HDX: variants seen among roughly 807,000 people sequenced by gnomAD.
HDX encodes the protein highly divergent homeobox.
In HDX, 19 loss-of-function variants were observed where a neutral mutation model predicts 45.2. That is an observed-to-expected ratio of 0.42 (90% CI 0.29 to 0.62). HDX has a LOEUF of 0.62. Ranked by LOEUF, HDX falls within the 20% of genes least tolerant of loss-of-function variation. The pLI, the probability that HDX is intolerant of heterozygous loss-of-function variation, is 0.20. For synonymous variants in HDX, 188 were observed against 172.8 expected (o/e 1.09, Z -0.69); for missense variants, 532 against 493.9 (o/e 1.08, Z -0.73).
intron 2 of HDX, among the ~76,000 whole-genome samples, chrX:84,484,213 G>T (rs2040744691): frequency 9.0e-6 from 1 of 111,684 alleles, no homozygotes; most frequent in African/African-American, 3.3e-5. Flanking sequence ...TTATAGCAGT[G>T]CCCCATTCCC....
chrX:84,336,876 C>T lies in HDX; in HGVS notation c.1665G>A (p.Glu555=). 2 of 1,163,464 alleles carry T rather than the reference C, an allele frequency of 1.7e-6. No individual in the cohort carries two copies. Among genetic ancestry groups the T allele is most frequent in the Non-Finnish European group, 2.3e-6 (2 of 860,706 alleles). Residue 555 remains glutamate, a synonymous_variant, in exon 8 of 11, where the codon GAG becomes GAA. Coordinates refer to ENST00000373177, the MANE Select transcript of HDX (RefSeq NM_001177479.2). ...ICLSEGSSQE[E]PNEVVPNDAR... ...CATCATTCGGAACAACTTCATTGGG[C>T]TCTTCTACAGAAAAAAATGCCATAA... is the stretch of plus-strand genomic sequence containing the variant.
chrX:84,435,307 G>A (rs2039596965), intron 5 of HDX, among the ~76,000 whole-genome samples: 1 of 111,160 alleles, frequency 9.0e-6, no homozygotes, highest in African/African-American at 3.3e-5. Context: ...TTCTCTGATG[G>A]CCAGTGATCA....
intron 5 of HDX, among the ~76,000 whole-genome samples, chrX:84,435,099 C>A (rs2039592353): frequency 9.0e-6 from 1 of 110,754 alleles, no homozygotes; most frequent in Non-Finnish European, 1.9e-5. Context: ...TTTTGCTTAT[C>A]TTTTCAGAAA....
intron 5 of HDX, among the ~76,000 whole-genome samples, chrX:84,368,647 C>T: frequency 9.0e-6 from 1 of 111,552 alleles, no homozygotes; most frequent in South Asian, 3.7e-4. Flanking sequence ...CATTATAAAC[C>T]CTTTTCAATC....
chrX:84,437,698 G>A (rs983723290), intron 5 of HDX, among the ~76,000 whole-genome samples: 4 of 110,648 alleles, frequency 3.6e-5, no homozygotes, highest in African/African-American at 6.6e-5. Flanking sequence ...AGTGTCCTTC[G>A]GTGGAAAATG....
At chrX:84,361,131 T>C (rs2147848645) in intron 6 of HDX, among the ~76,000 whole-genome samples, 1 of 112,073 alleles carries the variant, frequency 8.9e-6, no homozygotes, top group Non-Finnish European at 1.9e-5. Flanking sequence ...CAACTTGTGG[T>C]TTTTATTTTC....
Position 84,321,926 on chromosome X carries a change from G to C in HDX, c.2036C>G (p.Ser679Cys). The C allele has an allele frequency of 8.4e-7, 1 of 1,188,057 alleles. No individual in the cohort carries two copies. Among genetic ancestry groups the C allele is most frequent in the African/African-American group, 1.8e-5 (1 of 57,048 alleles). ...TGAGACATTTTTCTCTGACAAAGAA[G>C]ATACACTGAATGAGGTATCATCAGG... The part of the protein sequence containing the change: ...LEPDDTSFSV[S>C]SLSEKNVSES... Residue 679 changes from serine (S) to cysteine (C), a missense_variant, in exon 11 of 11, where the codon TCT becomes TGT. Ser to Cys is a moderately radical substitution (Grantham distance 112). Transcript: ENST00000373177.
intron 5 of HDX, among the ~76,000 whole-genome samples, chrX:84,409,809 A>C (rs1293364163): frequency 9.3e-6 from 1 of 107,775 alleles, no homozygotes; most frequent in African/African-American, 3.4e-5. Flanking sequence ...CCAACATGGC[A>C]CATGTATACA....
chrX:84,329,720 C>A (rs2036803290), intron 9 of HDX, among the ~76,000 whole-genome samples: 1 of 111,473 alleles, frequency 9.0e-6, no homozygotes, highest in African/African-American at 3.3e-5. Flanking sequence ...AAGTCTATCC[C>A]AAAGGGGGGA....
intron 6 of HDX, among the ~76,000 whole-genome samples, chrX:84,355,408 T>C (rs1384456449): frequency 1.8e-5 from 2 of 111,429 alleles, no homozygotes; most frequent in Non-Finnish European, 3.8e-5. Context: ...CCACATGTAA[T>C]ATCTCAAAAT....
intron 4 of HDX, among the ~76,000 whole-genome samples, chrX:84,451,384 T>C (rs2039993610): frequency 9.0e-6 from 1 of 110,766 alleles, no homozygotes; most frequent in Non-Finnish European, 1.9e-5. Flanking sequence ...TCAGAGACTA[T>C]AAAGAACAAC....
intron 1 of HDX, chrX:84,500,204 A>G (rs1412447733): frequency 9.0e-6 from 1 of 110,880 alleles, no homozygotes; most frequent in East Asian, 2.8e-4. Context: ...AGGTTTATTT[A>G]GTCATTGGAG....
chrX:84,417,218 G>GAGAAAGAAAGAAAGAAAGAAAGAA (rs1556012085), intron 5 of HDX, among the ~76,000 whole-genome samples: 11 of 100,251 alleles, frequency 1.1e-4, no homozygotes, highest in African/African-American at 2.6e-4. Context: ...AAAAAAAAGA[G>GAGAAAGAAAGAAAGAAAGAAAGAA]AGAAAGAAAG....
chrX:84,382,008 AT>A (rs1398431598), intron 5 of HDX, among the ~76,000 whole-genome samples: 4 of 111,910 alleles, frequency 3.6e-5, no homozygotes, highest in Non-Finnish European at 7.5e-5. Context: ...ATAGAAAAAA[AT>A]CTAATAATCC....
At chrX:84,332,615 C>T in intron 9 of HDX, among the ~76,000 whole-genome samples, 1 of 111,016 alleles carries the variant, frequency 9.0e-6, no homozygotes, top group Non-Finnish European at 1.9e-5. Flanking sequence ...CTAGTCCTTT[C>T]GTCTGTAGTT....
At chrX:84,448,649 C>T (rs1291958281) in intron 4 of HDX, among the ~76,000 whole-genome samples, 2 of 107,948 alleles carry the variant, frequency 1.9e-5, no homozygotes, top group Non-Finnish European at 3.8e-5. Context: ...GGAAAAAGTG[C>T]TCCCCTACAA....
chrX:84,428,673 C>G (rs765055050), intron 5 of HDX, among the ~76,000 whole-genome samples: 2 of 110,899 alleles, frequency 1.8e-5, no homozygotes, highest in East Asian at 5.7e-4. Context: ...CACTCTATTC[C>G]AAGGAAACAG....
chrX:84,327,918 T>C (rs780943818), intron 9 of HDX, among the ~76,000 whole-genome samples: 33 of 111,118 alleles, frequency 3.0e-4, no homozygotes, highest in Middle Eastern at 4.6e-3. Flanking sequence ...TGAACTACTG[T>C]GCTCAAGGGA....
chrX:84,391,770 G>C (rs2038448933), intron 5 of HDX, among the ~76,000 whole-genome samples: 1 of 110,988 alleles, frequency 9.0e-6, no homozygotes, highest in South Asian at 3.7e-4. Context: ...TAGATTATTT[G>C]CCCAATTTTT....
Sources: gnomAD v4.1 joint callset for allele counts (sites outside exome capture counted in the v4.1 genomes callset) on GRCh38, gnomAD v4.1.1 for gene constraint, MANE v1.5 for transcripts, NCBI Gene and HGNC (gene_info 2026-07-23, HGNC 2026-07-21) for gene names.